Variants in BACH2 observed in about 807,000 individuals in gnomAD.
BACH2 encodes BACH transcriptional regulator 2.
Under a neutral mutation model 61.8 loss-of-function variants are expected in BACH2, and 5 were observed. The observed-to-expected ratio is 0.08, with a 90% confidence interval of 0.04 to 0.17. The LOEUF (loss-of-function observed/expected upper bound fraction) is 0.17, where lower values mean the gene tolerates loss of function less well. Among genes scored for constraint, BACH2 ranks in the 10% least tolerant of loss-of-function variants. The probability of loss-of-function intolerance (pLI) is 1.00; values close to 1 mark genes in which losing one functional copy is unlikely to be tolerated. For synonymous variants in BACH2, 446 were observed against 440.1 expected (o/e 1.01, Z -0.17); for missense variants, 824 against 1,091.1 (o/e 0.76, Z 3.45).
intron 5 of BACH2, among the ~76,000 whole-genome samples, chr6:90,088,707 A>C (rs1430280783): frequency 6.6e-6 from 1 of 152,126 alleles, no homozygotes; most frequent in South Asian, 2.1e-4. Context: ...CTGAATCAGA[A>C]ATCTGAGCTT....
At chr6:90,128,854 C>T (rs1582398778) in intron 4 of BACH2, among the ~76,000 whole-genome samples, 4 of 152,120 alleles carry the variant, frequency 2.6e-5, no homozygotes, top group Non-Finnish European at 5.9e-5. Context: ...AAATGTGGCA[C>T]ATATACACCA....
rs1562317259 is a variant in BACH2, at chr6:89,950,175, G to GT, written c.1836+94dup. 1.4e-6 allele frequency: 2 copies of GT among 1,403,122 alleles called. No individual in the cohort carries two copies. The highest frequency in any genetic ancestry group is 3.4e-5 in the Admixed American group (2 of 59,332). 86.9% of individuals were successfully genotyped at this position (1,403,122 alleles called of 1,614,324 possible). A position where few individuals can be genotyped will look rare whatever the true frequency, so the allele number is the denominator to read the frequency against. ...CTACTGTCATCTTTAATCTTAGCAC[G>GT]TAAGAACAATGTGGGAGTGGTGGGG... is the stretch of plus-strand genomic sequence containing the variant. On this transcript the variant is annotated intron_variant, in intron 7 of 8. Transcript: ENST00000257749. This position sits in a 1 kb window ranked among gnomAD's most constrained non-coding sequence, Gnocchi z 5.3.
At chr6:89,974,552 C>T (rs1775546369) in intron 6 of BACH2, among the ~76,000 whole-genome samples, 1 of 152,216 alleles carries the variant, frequency 6.6e-6, no homozygotes, top group African/African-American at 2.4e-5. Context: ...TGTCCTCACA[C>T]GTTCCATGCA....
rs554031897 is a variant in BACH2 at position 89,957,900 on chromosome 6, A to C, written c.244-6038T>G. Among the ~76,000 whole-genome samples the C allele has an allele frequency of 5.3e-5, 8 of 152,340 alleles. No homozygotes were observed. The South Asian group carries it at 1.7e-3, about 32-fold the overall frequency. The stretch of plus-strand genomic sequence containing the variant: ...TGTTCTATTCCTAAGGTAATAATAT[A>C]AAAACTAAATCAACATTGAAATTGA... On this transcript the variant is annotated intron_variant, in intron 6 of 8. Coordinates refer to ENST00000257749, the MANE Select transcript of BACH2 (RefSeq NM_021813.4).
chr6:90,061,598 A>G (rs1201779085), intron 5 of BACH2, among the ~76,000 whole-genome samples: 1 of 152,102 alleles, frequency 6.6e-6, no homozygotes, highest in Admixed American at 6.6e-5. Flanking sequence ...GGAGCAGAGG[A>G]GATAACAAGT....
rs1016242544 is a variant in BACH2 at position 89,990,523 on chromosome 6, C to CT, written c.243+18078dup. On this transcript the variant is annotated intron_variant, in intron 6 of 8. Transcript: ENST00000257749. ...AGGCCAAAATCCATAGTCATACTGGCTTTTTTTTTTCTTTATTTCACATCC... is the reference window on the plus strand; with the variant it reads ...AGGCCAAAATCCATAGTCATACTGGCTTTTTTTTTTTCTTTATTTCACATCC... Among the ~76,000 whole-genome samples the CT allele has an allele frequency of 3.9e-4, 59 of 149,606 alleles. No homozygotes were observed. The South Asian group carries it at 4.7e-3, about 12-fold the overall frequency.
chr6:89,973,485 T>C (rs1775483017), intron 6 of BACH2, among the ~76,000 whole-genome samples: 1 of 152,184 alleles, frequency 6.6e-6, no homozygotes, highest in South Asian at 2.1e-4. Flanking sequence ...AACACTTGAG[T>C]GGACTTCAAA....
intron 4 of BACH2, among the ~76,000 whole-genome samples, chr6:90,122,582 T>A (rs955444161): frequency 2.6e-5 from 4 of 152,230 alleles, no homozygotes; most frequent in Admixed American, 2.6e-4. Context: ...AGACTTACTA[T>A]GACATTTTAA....
At position 90,269,977 on chromosome 6, in the gene BACH2, C is replaced by T. The variant is rs564081271; in HGVS notation, c.-353+1872G>A. 1.8e-4 allele frequency among the ~76,000 whole-genome samples: 27 copies of T among 152,230 alleles called. No individual in the cohort carries two copies. In the South Asian group the frequency reaches 4.4e-3, roughly 25 times the overall value. ...TCCATTATATCATTCTTATGATACACTATATTTGGTTTTCCATTCCTGAGT... is the reference window on the plus strand; with the variant it reads ...TCCATTATATCATTCTTATGATACATTATATTTGGTTTTCCATTCCTGAGT... On this transcript the variant is annotated intron_variant, in intron 2 of 8. Coordinates refer to ENST00000257749, the MANE Select transcript of BACH2 (RefSeq NM_021813.4).
At chr6:90,076,508 A>G (rs1022041145) in intron 5 of BACH2, among the ~76,000 whole-genome samples, 1 of 152,192 alleles carries the variant, frequency 6.6e-6, no homozygotes, top group African/African-American at 2.4e-5. Flanking sequence ...GAAGGAGAAT[A>G]CAAAATAGGC....
intron 1 of BACH2, among the ~76,000 whole-genome samples, chr6:90,278,575 G>T (rs1428960973): frequency 6.6e-6 from 1 of 152,186 alleles, no homozygotes; most frequent in Non-Finnish European, 1.5e-5. Context: ...TTCCCTAAAG[G>T]CAGGGACCTG....
intron 5 of BACH2, among the ~76,000 whole-genome samples, chr6:90,028,610 A>C (rs943670553): frequency 2.6e-5 from 4 of 152,220 alleles, no homozygotes; most frequent in Admixed American, 2.6e-4. Flanking sequence ...CTCTCTGTAA[A>C]GATTTCTCAT....
intron 5 of BACH2, among the ~76,000 whole-genome samples, chr6:90,054,604 C>G (rs892867515): frequency 3.9e-5 from 6 of 152,234 alleles, no homozygotes; most frequent in Non-Finnish European, 8.8e-5. Flanking sequence ...ATGTCCCTCT[C>G]TGACAGCTTT....
At chr6:90,215,223 T>C (rs1435457484) in intron 3 of BACH2, among the ~76,000 whole-genome samples, 2 of 152,168 alleles carry the variant, frequency 1.3e-5, no homozygotes, top group Non-Finnish European at 2.9e-5. Flanking sequence ...GTTGAAGTTA[T>C]ACCATGCAGG....
At chr6:90,129,857 GT>G (rs370397717) in intron 4 of BACH2, among the ~76,000 whole-genome samples, 3 of 148,190 alleles carry the variant, frequency 2.0e-5, no homozygotes, top group African/African-American at 4.9e-5. Flanking sequence ...AGTTCAAGAA[GT>G]TTTTTTTTTG....
chr6:89,946,595 C>T lies in BACH2; in HGVS notation c.1836+3675G>A, dbSNP rs117431628. On this transcript the variant is annotated intron_variant, in intron 7 of 8. Transcript: ENST00000257749. ...TGACAGCTGAATGAACTACGATTTA[C>T]GAGAACGAGAGATATTGGAGAAACA... is the stretch of plus-strand genomic sequence containing the variant. Among the ~76,000 whole-genome samples, 629 of 152,278 alleles carry T rather than the reference C, an allele frequency of 4.1e-3. 2 individuals carry two copies. The highest frequency in any genetic ancestry group is 4.9e-3 in the Non-Finnish European group (336 of 68,026).
intron 5 of BACH2, among the ~76,000 whole-genome samples, chr6:90,030,364 G>C (rs921959446): frequency 3.3e-5 from 5 of 152,106 alleles, no homozygotes; most frequent in Admixed American, 6.5e-5. Flanking sequence ...CTGGGTTTGA[G>C]AGAAGATGGT....
At chr6:90,248,523 C>T (rs555188963) in intron 3 of BACH2, among the ~76,000 whole-genome samples, 1 of 152,194 alleles carries the variant, frequency 6.6e-6, no homozygotes, top group Admixed American at 6.5e-5. Flanking sequence ...AAAGTATGGA[C>T]AACTGGGTGG....
At chr6:90,218,949 G>GTA (rs1271085980) in intron 3 of BACH2, among the ~76,000 whole-genome samples, 1 of 151,706 alleles carries the variant, frequency 6.6e-6, no homozygotes, top group African/African-American at 2.4e-5. Context: ...GTGTGTGTGT[G>GTA]TGTGTGTGAC....
Sources: gnomAD v4.1 joint callset for allele counts (sites outside exome capture counted in the v4.1 genomes callset) on GRCh38, gnomAD v4.1.1 for gene constraint, Gnocchi (gnomAD v3.1) non-coding constraint, MANE v1.5 for transcripts, NCBI Gene and HGNC (gene_info 2026-07-23, HGNC 2026-07-21) for gene names.